The following SYNE1 variants were observed in gnomAD, a reference collection of about 807,000 sequenced individuals.
SYNE1 encodes the protein nesprin-1.
In SYNE1, 616 loss-of-function variants were observed where a neutral mutation model predicts 1,111.0. The ratio of observed to expected loss-of-function variants is 0.55; its 90% confidence interval spans 0.52 to 0.59. The LOEUF (loss-of-function observed/expected upper bound fraction) is 0.59. Among genes scored for constraint, SYNE1 ranks in the 20% least tolerant of loss-of-function variants. SYNE1 has a pLI of 0.00. For missense variants in SYNE1, 10,006 were observed against 10,417.0 expected (o/e 0.96, Z 1.72); for synonymous variants, 3,855 against 3,825.8 (o/e 1.01, Z -0.28).
At chr6:152,140,223 C>T (rs1224120679) in intron 139 of SYNE1, 62 bp from the exon 140 acceptor site, 8 of 1,553,376 alleles carry the variant, frequency 5.2e-6, no homozygotes, top group Non-Finnish European at 7.1e-6. Context: ...TTATGAAATG[C>T]TTTAAACATA....
intron 3 of SYNE1, among the ~76,000 whole-genome samples, chr6:152,589,720 T>C (rs1358445001): frequency 2.0e-5 from 3 of 152,168 alleles, no homozygotes; most frequent in Non-Finnish European, 4.4e-5. Context: ...CCATCTAGCA[T>C]GGCTCTCTTA....
chr6:152,509,933 A>G (rs1009924490), intron 8 of SYNE1, among the ~76,000 whole-genome samples: 4 of 152,180 alleles, frequency 2.6e-5, no homozygotes, highest in Non-Finnish European at 5.9e-5. Context: ...CATGCTACTC[A>G]AAGTTTAGGA....
chr6:152,184,629 T>TAG (rs1563297678), intron 128 of SYNE1, among the ~76,000 whole-genome samples: 179 of 130,974 alleles, frequency 1.4e-3, no homozygotes, highest in Middle Eastern at 4.2e-3. Context: ...ATTATACACA[T>TAG]ATATAGATAG....
chr6:152,434,764 A>T (rs2098458202), intron 33 of SYNE1: 2 of 138,562 alleles, frequency 1.4e-5, no homozygotes, highest in South Asian at 4.6e-4. Flanking sequence ...CCTTGGGTTA[A>T]AAAAAAAAAA....
rs1283740907 is a variant in SYNE1, at chr6:152,176,467, C to T, written c.23554G>A (p.Ala7852Thr). The part of the protein sequence containing the change: ...RLAKASHESK[A>T]SEIEYKLGKV... ...CCCAGCTTGTATTCAATCTCAGATG[C>T]TTTGCTTTCATGGCTGGCTTTAGCA... Residue 7852 changes from alanine to threonine, a missense_variant, in exon 130 of 146, where the codon GCA becomes ACA. By Grantham distance (58) the Ala-to-Thr change is moderately conservative. Coordinates refer to ENST00000367255, the MANE Select transcript of SYNE1 (RefSeq NM_182961.4). 2.5e-6 allele frequency: 4 copies of T among 1,614,172 alleles called. No homozygotes were observed. In the Admixed American group the frequency reaches 6.7e-5, roughly 27 times the overall value.
intron 54 of SYNE1, among the ~76,000 whole-genome samples, chr6:152,386,614 T>C (rs1011597698): frequency 1.3e-5 from 2 of 152,216 alleles, no homozygotes; most frequent in African/African-American, 4.8e-5. Context: ...TTTGATATTA[T>C]ATAAAGGAGT....
chr6:152,373,085 ATCT>A lies in SYNE1; in HGVS notation c.9456_9458del (p.Glu3152del). The A allele has an allele frequency of 6.2e-7, 1 of 1,614,032 alleles. No homozygotes were observed. The highest frequency in any genetic ancestry group is 2.2e-5 in the East Asian group (1 of 44,866). On this transcript the variant is annotated inframe_deletion, in exon 59 of 146. Coordinates refer to ENST00000367255, the MANE Select transcript of SYNE1 (RefSeq NM_182961.4). ...GGAGATTTGAATGAAAATTTTTCCA[ATCT>A]TCTTTTGCAGCTGTAACTTTGGCCT... is the stretch of plus-strand genomic sequence containing the variant.
At chr6:152,621,641 T>C (rs2099675694) in intron 3 of SYNE1, among the ~76,000 whole-genome samples, 5 of 152,022 alleles carry the variant, frequency 3.3e-5, no homozygotes, top group Non-Finnish European at 2.9e-5. Flanking sequence ...ATTTTATAGG[T>C]CACTGAAGAC....
chr6:152,281,751 G>C, intron 97 of SYNE1, 56 bp downstream of exon 97: 1 of 1,596,450 alleles, frequency 6.3e-7, no homozygotes, highest in Non-Finnish European at 8.6e-7. Flanking sequence ...GTTTTCTGTA[G>C]TTTAAAAAAA....
rs1318679366 is a variant in SYNE1, at chr6:152,358,244, T to C, written c.10608+129A>G. The C allele has an allele frequency of 1.9e-5, 24 of 1,260,452 alleles. No homozygotes were observed. In the Middle Eastern group the frequency reaches 6.2e-4, roughly 32 times the overall value. 78.1% of individuals were successfully genotyped at this position (1,260,452 alleles called of 1,614,324 possible). A position where few individuals can be genotyped will look rare whatever the true frequency, so the allele number is the denominator to read the frequency against. ...TCAGAATGTTCTTGATCAAACCTTA[T>C]GGGGATTGCACTTAATGTGTATCAA... On this transcript the variant is annotated intron_variant, in intron 66 of 145. Transcript: ENST00000367255.
intron 62 of SYNE1, 137 bp from the exon 63 acceptor site, chr6:152,365,156 A>G: frequency 9.3e-7 from 1 of 1,077,168 alleles, no homozygotes. Context: ...GCTGAGACAG[A>G]GGGTGGGGAA....
At chr6:152,192,531 G>A (rs1022228661) in intron 127 of SYNE1, among the ~76,000 whole-genome samples, 1 of 152,022 alleles carries the variant, frequency 6.6e-6, no homozygotes, top group Non-Finnish European at 1.5e-5. Context: ...GAGTGCAGTG[G>A]TGTGATCTTG....
At chr6:152,362,455 G>A (rs2096949818) in intron 63 of SYNE1, 132 bp from the exon 64 acceptor site, 4 of 1,236,626 alleles carry the variant, frequency 3.2e-6, no homozygotes, top group East Asian at 2.4e-5. Flanking sequence ...TTGGGAGTGA[G>A]CAGGCTGCCC....
Position 152,507,911 on chromosome 6 carries a change from A to T in SYNE1, c.581+2282T>A, listed in dbSNP as rs1341159228. The stretch of plus-strand genomic sequence containing the variant: ...AAATCATTTTTAAATTTATTTCTCA[A>T]ATATTTTTAAACTTTATACGAAAAC... On this transcript the variant is annotated intron_variant, in intron 8 of 145. Transcript: ENST00000367255. Among the ~76,000 whole-genome samples, 4 of 152,162 alleles carry T rather than the reference A, an allele frequency of 2.6e-5. No homozygotes were observed. In the East Asian group the frequency reaches 5.8e-4, roughly 22 times the overall value.
At chr6:152,571,337 T>C (rs567822271) in intron 3 of SYNE1, among the ~76,000 whole-genome samples, 1 of 152,292 alleles carries the variant, frequency 6.6e-6, no homozygotes, top group East Asian at 1.9e-4. Flanking sequence ...GTGTTGACTC[T>C]AGGTCTTCAG....
chr6:152,628,323 G>A lies in SYNE1; in HGVS notation c.9C>T (p.Thr3=), dbSNP rs751014333. 6.2e-7 allele frequency: 1 copy of A among 1,614,180 alleles called. No individual in the cohort carries two copies. The highest frequency in any genetic ancestry group is 2.2e-5 in the East Asian group (1 of 44,884). ...GAGGACACCGGGAGGCCCCTCTGGA[G>A]GTTGCCATGGTCCCTCCGGAAGCAC... The part of the protein sequence containing the change: MA[T]SRGASRCPRD... The change falls in exon 3 of 146, where the codon ACC becomes ACT. Residue 3 remains threonine, a synonymous_variant. Coordinates refer to ENST00000367255, the MANE Select transcript of SYNE1 (RefSeq NM_182961.4).
rs777547365 is a variant in SYNE1, at chr6:152,352,007, T to C, written c.11580+20A>G. 3.1e-6 allele frequency: 5 copies of C among 1,611,338 alleles called. No individual in the cohort carries two copies. Among genetic ancestry groups the C allele is most frequent in the Non-Finnish European group, 4.2e-6 (5 of 1,178,578 alleles). ...TCTGTGTGACCTCTGCATGCATCTG[T>C]CAATGAGTAAACACACTACCTTGTA... On this transcript the variant is annotated intron_variant, in intron 70 of 145. Coordinates refer to ENST00000367255, the MANE Select transcript of SYNE1 (RefSeq NM_182961.4).
At chr6:152,534,702 C>T (rs920110974) in intron 4 of SYNE1, among the ~76,000 whole-genome samples, 1 of 152,292 alleles carries the variant, frequency 6.6e-6, no homozygotes, top group South Asian at 2.1e-4. Flanking sequence ...TTAATAGTCT[C>T]ACCAAAATGT....
intron 56 of SYNE1, among the ~76,000 whole-genome samples, chr6:152,377,379 G>A (rs1361135575): frequency 6.6e-6 from 1 of 151,554 alleles, no homozygotes; most frequent in East Asian, 1.9e-4. Context: ...GGAGGCCGAG[G>A]AGGGTGGATC....
Sources: allele counts gnomAD v4.1 joint callset (sites outside exome capture counted in the v4.1 genomes callset), GRCh38; gene constraint gnomAD v4.1.1; transcripts MANE v1.5; gene names NCBI Gene and HGNC (gene_info 2026-07-23, HGNC 2026-07-21).